The following NCOR1 variants were observed in gnomAD, a reference collection of about 807,000 sequenced individuals.
The protein encoded by NCOR1 is protein phosphatase 1, regulatory subunit 109.
Under a neutral mutation model 288.1 loss-of-function variants are expected in NCOR1, and 63 were observed. The ratio of observed to expected loss-of-function variants is 0.22; its 90% CI spans 0.18 to 0.27. The LOEUF (loss-of-function observed/expected upper bound fraction) is 0.27, where lower values mean the gene tolerates loss of function less well. NCOR1 is among the 10% of genes least tolerant of loss of function. The pLI, the probability that NCOR1 is intolerant of heterozygous loss-of-function variation, is 1.00. For missense variants in NCOR1, 2,397 were observed against 3,019.2 expected (o/e 0.79, Z 4.83); for synonymous variants, 1,007 against 1,065.9 (o/e 0.94, Z 1.08).
intron 3 of NCOR1, among the ~76,000 whole-genome samples, chr17:16,175,647 G>C (rs2084008966): frequency 6.6e-6 from 1 of 151,972 alleles, no homozygotes; most frequent in Non-Finnish European, 1.5e-5. Flanking sequence ...CATCACTTTA[G>C]GGGGCCAAGG....
In NCOR1 at chr17:16,127,586, T is replaced by TATATATGTATGTATATATACATATGTGC. The variant is rs1568206412; in HGVS notation, c.1510-1381_1510-1380insGCACATATGTATATATACATACATATAT. Among the ~76,000 whole-genome samples, 642 of 132,400 alleles carry TATATATGTATGTATATATACATATGTGC rather than the reference T, an allele frequency of 4.8e-3. 48 individuals carry two copies. The highest frequency in any genetic ancestry group is 0.018 in the African/African-American group (598 of 34,034). The allele number at this position is 132,400 out of a possible 152,430, so 86.9% of individuals were successfully genotyped here. A position where few individuals can be genotyped will look rare whatever the true frequency, so the allele number is the denominator to read the frequency against. ...ATATGTATGTATATATACATATGTG[T>TATATATGTATGTATATATACATATGTGC]ATATATGTATGTATACATACATATG... is the stretch of plus-strand genomic sequence containing the variant. On this transcript the variant is annotated intron_variant, in intron 14 of 45. Coordinates refer to ENST00000268712, the MANE Select transcript of NCOR1 (RefSeq NM_006311.4).
At chr17:16,151,226 A>G (rs1308602426) in intron 8 of NCOR1, among the ~76,000 whole-genome samples, 1 of 151,854 alleles carries the variant, frequency 6.6e-6, no homozygotes, top group African/African-American at 2.4e-5. Context: ...AAAGATATCT[A>G]TCTAGCTTCC....
chr17:16,068,715 A>ATTT (rs11438641), intron 31 of NCOR1, among the ~76,000 whole-genome samples: 18 of 135,260 alleles, frequency 1.3e-4, no homozygotes, highest in African/African-American at 2.8e-4. Context: ...ATCATCCTCA[A>ATTT]TTTTTTTTTT....
chr17:16,064,060 T>A lies in NCOR1; in HGVS notation c.5221+8A>T. On this transcript the variant is annotated splice_region_variant and intron_variant, in intron 35 of 45. Coordinates refer to ENST00000268712, the MANE Select transcript of NCOR1 (RefSeq NM_006311.4). ...CCAGAGAATGGAAGAGCAGTGCCTTTCACTGACCTGGCCGCAGGTAGAGGT... is the reference window on the plus strand; with the variant it reads ...CCAGAGAATGGAAGAGCAGTGCCTTACACTGACCTGGCCGCAGGTAGAGGT... 6.2e-7 allele frequency: 1 copy of A among 1,613,828 alleles called. No individual in the cohort carries two copies. The highest frequency in any genetic ancestry group is 8.5e-7 in the Non-Finnish European group (1 of 1,179,822).
intron 1 of NCOR1, among the ~76,000 whole-genome samples, chr17:16,212,261 T>G (rs1444101295): frequency 6.6e-6 from 1 of 150,980 alleles, no homozygotes; most frequent in Non-Finnish European, 1.5e-5. Flanking sequence ...AGCGAGACCC[T>G]GTCTCAAAGG....
At chr17:16,180,498 C>T (rs982835575) in intron 3 of NCOR1, among the ~76,000 whole-genome samples, 5 of 152,180 alleles carry the variant, frequency 3.3e-5, no homozygotes, top group African/African-American at 4.8e-5. Flanking sequence ...TGCTTATAAT[C>T]CTAGCACTTT....
intron 22 of NCOR1, among the ~76,000 whole-genome samples, chr17:16,088,105 TTTTA>T (rs146921046): frequency 0.067 from 10,213 of 152,122 alleles, 526 homozygotes; most frequent in African/African-American, 0.15. Context: ...TTCCCACTCA[TTTTA>T]TTTATTATTT....
chr17:16,068,716 T>A (rs1598148662), intron 31 of NCOR1, among the ~76,000 whole-genome samples: 1 of 28,550 alleles, frequency 3.5e-5, no homozygotes, highest in East Asian at 3.4e-4. Context: ...TCATCCTCAA[T>A]TTTTTTTTTT....
intron 10 of NCOR1, among the ~76,000 whole-genome samples, chr17:16,145,341 C>T (rs555281353): frequency 3.9e-4 from 59 of 151,124 alleles, no homozygotes; most frequent in Admixed American, 3.0e-3. Context: ...AAGTGAGGAG[C>T]GTCTCTGCCT....
chr17:16,210,953 G>A (rs1446168171), intron 1 of NCOR1, among the ~76,000 whole-genome samples: 3 of 151,964 alleles, frequency 2.0e-5, no homozygotes, highest in South Asian at 2.1e-4. Flanking sequence ...GGATGGTCTC[G>A]ATCTCCTGAC....
intron 19 of NCOR1, among the ~76,000 whole-genome samples, chr17:16,106,462 T>C (rs1276025428): frequency 6.6e-6 from 1 of 151,832 alleles, no homozygotes; most frequent in Non-Finnish European, 1.5e-5. Flanking sequence ...AAGAATGATG[T>C]AGAAAAAGAG....
chr17:16,089,598 C>T (rs1006448385), intron 22 of NCOR1, among the ~76,000 whole-genome samples: 1 of 152,022 alleles, frequency 6.6e-6, no homozygotes, highest in Non-Finnish European at 1.5e-5. Context: ...TAAAAGAGAC[C>T]ATGAAGGGAA....
At chr17:16,047,397 C>CA (rs1261814422) in intron 41 of NCOR1, among the ~76,000 whole-genome samples, 1 of 152,158 alleles carries the variant, frequency 6.6e-6, no homozygotes, top group African/African-American at 2.4e-5. Context: ...AACTCAGAAA[C>CA]AGCTTATGAT....
At chr17:16,207,556 A>C (rs1450887126) in intron 1 of NCOR1, among the ~76,000 whole-genome samples, 1 of 152,062 alleles carries the variant, frequency 6.6e-6, no homozygotes, top group Admixed American at 6.6e-5. Context: ...CCTGGCTAAC[A>C]CAGTGAAACC....
rs756897089 is a variant in NCOR1 at position 16,098,703 on chromosome 17, C to A, written c.2691-207G>T. ...TTTTCCAGATAAAGAAACTGAATAT[C>A]GTACTCACTTCAGCAGCGCACATAC... On this transcript the variant is annotated intron_variant, in intron 20 of 45. Transcript: ENST00000268712. 7.9e-6 allele frequency: 3 copies of A among 377,516 alleles called. No homozygotes were observed. The Admixed American group carries it at 1.4e-4, about 17-fold the overall frequency. 23.4% of individuals were successfully genotyped at this position (377,516 alleles called of 1,614,324 possible).
chr17:16,033,250 G>T (rs1480834417), intron 45 of NCOR1, among the ~76,000 whole-genome samples: 2 of 148,054 alleles, frequency 1.4e-5, no homozygotes, highest in South Asian at 4.2e-4. Flanking sequence ...CAGGAGAATC[G>T]CCTGAACCCA....
intron 1 of NCOR1, among the ~76,000 whole-genome samples, chr17:16,214,611 G>C (rs2092399456): frequency 6.6e-6 from 1 of 152,136 alleles, no homozygotes; most frequent in Admixed American, 6.5e-5. Context: ...GACACTTCCT[G>C]AGCAAATAGT....
chr17:16,134,650 C>G (rs2076126948), intron 14 of NCOR1, among the ~76,000 whole-genome samples: 1 of 152,164 alleles, frequency 6.6e-6, no homozygotes, highest in South Asian at 2.1e-4. Context: ...TTCAGAATAA[C>G]AAACATCCGT....
intron 22 of NCOR1, among the ~76,000 whole-genome samples, chr17:16,090,551 A>C (rs2065013782): frequency 6.6e-6 from 1 of 152,184 alleles, no homozygotes; most frequent in Admixed American, 6.5e-5. Flanking sequence ...TCAATTACAG[A>C]ACTAGCGATT....
Sources: gnomAD v4.1 joint callset for allele counts (sites outside exome capture counted in the v4.1 genomes callset) on GRCh38, gnomAD v4.1.1 for gene constraint, MANE v1.5 for transcripts, NCBI Gene and HGNC (gene_info 2026-07-23, HGNC 2026-07-21) for gene names.